The following ZSWIM6 variants were observed in gnomAD, a reference collection of about 807,000 sequenced individuals.
ZSWIM6 encodes the protein zinc finger SWIM domain-containing protein 6.
Under a neutral mutation model 113.2 loss-of-function variants are expected in ZSWIM6, and 9 were observed. The ratio of observed to expected loss-of-function variants is 0.08; its 90% CI spans 0.05 to 0.14. The LOEUF (loss-of-function observed/expected upper bound fraction) is 0.14, where lower values mean the gene tolerates loss of function less well. Ranked by LOEUF, ZSWIM6 falls within the 10% of genes least tolerant of loss-of-function variation. The probability of loss-of-function intolerance (pLI) is 1.00; values close to 1 mark genes in which losing one functional copy is unlikely to be tolerated. For synonymous variants in ZSWIM6, 611 were observed against 606.5 expected, an observed-to-expected ratio of 1.01 and a Z score of -0.11; for missense variants, 1,162 against 1,552.2, an observed-to-expected ratio of 0.75 and a Z score of 4.22.
At chr5:61,533,684 A>G (rs948473870) in intron 9 of ZSWIM6, among the ~76,000 whole-genome samples, 4 of 152,248 alleles carry the variant, frequency 2.6e-5, no homozygotes, top group Admixed American at 1.3e-4. Flanking sequence ...TTAAGGGGAA[A>G]CAGTGAAAGA....
At chr5:61,504,405 T>G (rs1748547054) in intron 4 of ZSWIM6, among the ~76,000 whole-genome samples, 1 of 152,204 alleles carries the variant, frequency 6.6e-6, no homozygotes, top group Non-Finnish European at 1.5e-5. Context: ...ACAATCAGCA[T>G]GAAGCACTTG....
At chr5:61,414,911 A>T (rs567365653) in intron 1 of ZSWIM6, among the ~76,000 whole-genome samples, 1 of 152,352 alleles carries the variant, frequency 6.6e-6, no homozygotes, top group African/African-American at 2.4e-5. Context: ...GCACCATCTA[A>T]TCCCTTTCTC....
chr5:61,351,658 A>AGGCAAG (rs1385950882), intron 1 of ZSWIM6, among the ~76,000 whole-genome samples: 1 of 152,138 alleles, frequency 6.6e-6, no homozygotes, highest in East Asian at 1.9e-4. Context: ...TGCCTTGGAA[A>AGGCAAG]GTTGTGGTGA....
intron 1 of ZSWIM6, among the ~76,000 whole-genome samples, chr5:61,343,640 G>A (rs1744593217): frequency 6.6e-6 from 1 of 152,190 alleles, no homozygotes; most frequent in Non-Finnish European, 1.5e-5. Flanking sequence ...TTTGTTGGTA[G>A]AGGCCTGGTC....
At chr5:61,404,143 G>T (rs1579978462) in intron 1 of ZSWIM6, among the ~76,000 whole-genome samples, 1 of 152,078 alleles carries the variant, frequency 6.6e-6, no homozygotes, top group Non-Finnish European at 1.5e-5. Context: ...GAGCAGCTGG[G>T]ACTACAGGCG....
chr5:61,529,307 T>A (rs1489986830), intron 7 of ZSWIM6, among the ~76,000 whole-genome samples: 1 of 152,264 alleles, frequency 6.6e-6, no homozygotes, highest in Admixed American at 6.5e-5. Flanking sequence ...ATCTTAAACA[T>A]AGCTTTTTTT....
rs1749799167 is a variant in ZSWIM6, at chr5:61,543,545, C to A, written c.2876C>A (p.Ser959Tyr). 1.3e-6 allele frequency: 2 copies of A among 1,551,654 alleles called. No individual in the cohort carries two copies. The highest frequency in any genetic ancestry group is 1.7e-6 in the Non-Finnish European group (2 of 1,146,994). Residue 959 changes from serine (S) to tyrosine (Y), a missense_variant, in exon 14 of 14, where the codon TCC becomes TAC. By Grantham distance (144) the Ser-to-Tyr change is moderately radical. Around this residue, in one of 4 missense-constraint regions of ZSWIM6, gnomAD observed 620 missense variants for 804.6 expected, o/e 0.77. Coordinates refer to ENST00000252744, the MANE Select transcript of ZSWIM6 (RefSeq NM_020928.2). This position sits in a 1 kb window ranked among gnomAD's most constrained non-coding sequence, Gnocchi z 4.3. ...ATSIVATTVM[S>Y]NSTIVRLHLD... ...AGTATAGTTGCAACTACCGTGATGT[C>A]CAACAGCACCATCGTCCGCCTCCAC...
chr5:61,543,276 A>G lies in ZSWIM6; in HGVS notation c.2786-179A>G. Among the ~76,000 whole-genome samples the G allele has an allele frequency of 6.6e-6, 1 of 152,226 alleles. No individual in the cohort carries two copies. Among genetic ancestry groups the G allele is most frequent in the Non-Finnish European group, 1.5e-5 (1 of 68,036 alleles). On this transcript the variant is annotated intron_variant, in intron 13 of 13. Coordinates refer to ENST00000252744, the MANE Select transcript of ZSWIM6 (RefSeq NM_020928.2). This position sits in a 1 kb window ranked among gnomAD's most constrained non-coding sequence, Gnocchi z 4.3. ...CTTTCAGGCATTTCACTGAATAACA[A>G]TTCATAATGACCTTATTCTTAAAGG... is the stretch of plus-strand genomic sequence containing the variant.
Position 61,488,331 on chromosome 5 carries a change from G to T in ZSWIM6, c.1034-2455G>T, listed in dbSNP as rs530548053. On this transcript the variant is annotated intron_variant, in intron 2 of 13. Transcript: ENST00000252744. ...TGGTCTCTAGTTTTCTTTTTGTGTG[G>T]TGTCCTTGTCTAGTTTTGGTACCAT... 3.9e-5 allele frequency among the ~76,000 whole-genome samples: 6 copies of T among 152,012 alleles called. No individual in the cohort carries two copies. The South Asian group carries it at 1.2e-3, about 32-fold the overall frequency.
chr5:61,361,647 A>AC (rs1745033735), intron 1 of ZSWIM6, among the ~76,000 whole-genome samples: 3 of 152,190 alleles, frequency 2.0e-5, no homozygotes, highest in South Asian at 2.1e-4. Flanking sequence ...TTTCCAGGGA[A>AC]CCCCCCTTAC....
chr5:61,428,393 C>A (rs1207108042), intron 1 of ZSWIM6, among the ~76,000 whole-genome samples: 1 of 152,104 alleles, frequency 6.6e-6, no homozygotes, highest in East Asian at 1.9e-4. Context: ...GATGGGGTCC[C>A]ACTCTGTCAC....
intron 1 of ZSWIM6, among the ~76,000 whole-genome samples, chr5:61,439,728 G>A (rs569031977): frequency 6.6e-6 from 1 of 152,202 alleles, no homozygotes; most frequent in East Asian, 1.9e-4. Flanking sequence ...GTTTGTGCAC[G>A]CACCAATAAT....
intron 7 of ZSWIM6, among the ~76,000 whole-genome samples, chr5:61,528,276 T>G (rs1247288967): frequency 1.3e-5 from 2 of 151,978 alleles, no homozygotes; most frequent in African/African-American, 4.8e-5. Flanking sequence ...AAAAAACAGA[T>G]TTATTTGATT....
chr5:61,441,483 A>G (rs1035194844), intron 1 of ZSWIM6, among the ~76,000 whole-genome samples: 2 of 152,196 alleles, frequency 1.3e-5, no homozygotes, highest in African/African-American at 4.8e-5. Context: ...ATTAAGCACA[A>G]TTGCAAAAAA....
At chr5:61,542,328 TG>T (rs781019500) in intron 13 of ZSWIM6, among the ~76,000 whole-genome samples, 6 of 152,196 alleles carry the variant, frequency 3.9e-5, no homozygotes, top group Admixed American at 6.5e-5. Context: ...TGATGACCAC[TG>T]GGTGTGGTTT....
At chr5:61,335,162 A>G (rs188044016) in intron 1 of ZSWIM6, among the ~76,000 whole-genome samples, 9 of 152,382 alleles carry the variant, frequency 5.9e-5, no homozygotes, top group African/African-American at 1.9e-4. Flanking sequence ...ATAGTCCCCA[A>G]AGGGGAAGAG....
intron 12 of ZSWIM6, among the ~76,000 whole-genome samples, chr5:61,541,654 G>T (rs905218221): frequency 3.9e-5 from 6 of 152,196 alleles, no homozygotes; most frequent in African/African-American, 1.4e-4. Context: ...GGCCCACCAG[G>T]AGGAGAATAT....
chr5:61,355,434 ACACAC>A, intron 1 of ZSWIM6, among the ~76,000 whole-genome samples: 2 of 866 alleles, frequency 2.3e-3, no homozygotes, highest in Non-Finnish European at 5.0e-3. Flanking sequence ...ACTTTAAAAC[ACACAC>A]ACACACACAC....
In ZSWIM6 at chr5:61,437,717, C is replaced by CAA. The variant is rs1177075747; in HGVS notation, c.677-34943_677-34942dup. On this transcript the variant is annotated intron_variant, in intron 1 of 13. Coordinates refer to ENST00000252744, the MANE Select transcript of ZSWIM6 (RefSeq NM_020928.2). ...GGTTGACAGAACCAGACCCTTTCTC[C>CAA]AAAAAAAAAAAAAAAAAAAAAAGAA... 1.7e-3 allele frequency among the ~76,000 whole-genome samples: 98 copies of CAA among 56,704 alleles called. 1 individual carries two copies. The highest frequency in any genetic ancestry group is 8.1e-3 in the South Asian group (15 of 1,842). 37.2% of individuals were successfully genotyped at this position (56,704 alleles called of 152,430 possible).
Sources: allele counts gnomAD v4.1 joint callset (sites outside exome capture counted in the v4.1 genomes callset), GRCh38; gene constraint gnomAD v4.1.1; regional missense constraint gnomAD v4.1.1; non-coding constraint Gnocchi (gnomAD v3.1); transcripts MANE v1.5; gene names NCBI Gene and HGNC (gene_info 2026-07-23, HGNC 2026-07-21).